The following HEG1 variants were observed in gnomAD, a reference collection of about 807,000 sequenced individuals.
HEG1 encodes protein HEG homolog 1.
A neutral mutation model predicts 125.6 loss-of-function variants in HEG1; 56 were observed. The ratio of observed to expected loss-of-function variants is 0.45; its 90% CI spans 0.36 to 0.56. The LOEUF (loss-of-function observed/expected upper bound fraction) is 0.56, where lower values mean the gene tolerates loss of function less well. HEG1 is among the 20% of genes least tolerant of loss of function. The pLI, the probability that HEG1 is intolerant of heterozygous loss-of-function variation, is 0.00. For synonymous variants in HEG1, 644 were observed against 668.5 expected (o/e 0.96, Z 0.57); for missense variants, 1,523 against 1,670.0 (o/e 0.91, Z 1.53).
intron 5 of HEG1, 131 bp from the exon 6 acceptor site, chr3:125,014,121 G>T: frequency 1.2e-6 from 1 of 866,048 alleles, no homozygotes; most frequent in Non-Finnish European, 1.7e-6. Context: ...CTTTGGAGAG[G>T]TGGTTTTCAA....
rs1936317943 is a variant in HEG1, at chr3:124,966,583, C to G, written c.*4069G>C. The G allele has an allele frequency of 2.0e-5, 3 of 152,012 alleles. No homozygotes were observed. Among genetic ancestry groups the G allele is most frequent in the Admixed American group, 2.0e-4 (3 of 15,266 alleles). 9.4% of individuals were successfully genotyped at this position (152,012 alleles called of 1,614,324 possible). A position where few individuals can be genotyped will look rare whatever the true frequency, so the allele number is the denominator to read the frequency against. Reference sequence around the variant, plus strand: ...CCCTTCTCATCCACACAAAAGCTTTCAGACAGGAAAAAAAAGATGCTACTA... The same window carrying G: ...CCCTTCTCATCCACACAAAAGCTTTGAGACAGGAAAAAAAAGATGCTACTA... On this transcript the variant is annotated 3_prime_UTR_variant, in exon 17 of 17. Transcript: ENST00000311127.
Position 125,007,943 on chromosome 3 carries a change from T to C in HEG1, c.3193+1762A>G, listed in dbSNP as rs554125357. Among the ~76,000 whole-genome samples the C allele has an allele frequency of 1.4e-4, 22 of 151,962 alleles. 1 individual carries two copies. The highest frequency in any genetic ancestry group is 5.3e-4 in the African/African-American group (22 of 41,438). ...TTTTTTTTTTGAGACAGAGTCTCACTGTGCAGCCCAGGCTGGAATGTAGTG... is the reference window on the plus strand; with the variant it reads ...TTTTTTTTTTGAGACAGAGTCTCACCGTGCAGCCCAGGCTGGAATGTAGTG... On this transcript the variant is annotated intron_variant, in intron 8 of 16. Transcript: ENST00000311127.
Position 125,012,654 on chromosome 3 carries a change from C to T in HEG1, c.2925G>A (p.Gln975=). ...CTGAAGAGGACACTGTTGTTGGTGA[C>T]TGTGTGCTGCTCTGAACAGCAAAGG... ...SATFAVQSST[Q]SPTTVSSSAS... is the part of the protein sequence containing the mutation. The change falls in exon 6 of 17, where the codon CAG becomes CAA. Residue 975 remains glutamine (Q), a synonymous_variant. Coordinates refer to ENST00000311127, the MANE Select transcript of HEG1 (RefSeq NM_020733.2). 1 of 1,613,694 alleles carries T rather than the reference C, an allele frequency of 6.2e-7. No individual in the cohort carries two copies. The highest frequency in any genetic ancestry group is 8.5e-7 in the Non-Finnish European group (1 of 1,179,814).
intron 5 of HEG1, 143 bp downstream of exon 5, chr3:125,019,119 C>T (rs1236305829): frequency 3.1e-6 from 2 of 650,042 alleles, no homozygotes; most frequent in South Asian, 2.0e-5. Context: ...CCACCCACCT[C>T]GGCCTCCCAA....
intron 14 of HEG1, among the ~76,000 whole-genome samples, chr3:124,985,264 T>C (rs748015623): frequency 6.6e-6 from 1 of 152,168 alleles, no homozygotes; most frequent in Admixed American, 6.5e-5. Flanking sequence ...TAAGGAAACA[T>C]GGTGAACATA....
intron 7 of HEG1, among the ~76,000 whole-genome samples, chr3:125,010,152 G>T (rs550209518): frequency 2.0e-5 from 3 of 152,306 alleles, no homozygotes; most frequent in African/African-American, 7.2e-5. Context: ...GGTGGCAGTG[G>T]GGGGATTCCA....
rs188224503 is a variant in HEG1, at chr3:125,036,405, T to G, written c.317-6917A>C. ...ACTAAGATAATCAGTTAAAAAAGGG[T>G]TGAGAATGGTTAATTCTGGGGAACA... is the stretch of plus-strand genomic sequence containing the variant. On this transcript the variant is annotated intron_variant, in intron 1 of 16. Transcript: ENST00000311127. 5.9e-5 allele frequency among the ~76,000 whole-genome samples: 9 copies of G among 151,722 alleles called. No individual in the cohort carries two copies. In the East Asian group the frequency reaches 1.5e-3, roughly 26 times the overall value.
chr3:125,043,575 T>A (rs773367220), intron 1 of HEG1, among the ~76,000 whole-genome samples: 26 of 152,166 alleles, frequency 1.7e-4, no homozygotes, highest in Non-Finnish European at 3.5e-4. Flanking sequence ...CCATTTTCTT[T>A]GCCCCTCTCA....
intron 11 of HEG1, among the ~76,000 whole-genome samples, chr3:124,998,094 A>G (rs1936949523): frequency 6.6e-6 from 1 of 152,176 alleles, no homozygotes; most frequent in South Asian, 2.1e-4. Context: ...CCACTGAGAA[A>G]CGAAATTGGA....
intron 1 of HEG1, among the ~76,000 whole-genome samples, chr3:125,054,114 A>G (rs936559253): frequency 8.5e-5 from 13 of 152,226 alleles, no homozygotes; most frequent in African/African-American, 3.1e-4. Flanking sequence ...ACAAAATACT[A>G]CACAGTGTTC....
intron 5 of HEG1, among the ~76,000 whole-genome samples, chr3:125,016,516 T>G (rs778332063): frequency 6.6e-6 from 1 of 152,148 alleles, no homozygotes; most frequent in African/African-American, 2.4e-5. Context: ...TTTGAGAAGG[T>G]AGAAGTCCTG....
At chr3:125,014,951 G>A (rs751903882) in intron 5 of HEG1, 1 of 1,288,014 alleles carries the variant, frequency 7.8e-7, no homozygotes, top group South Asian at 1.2e-5. Flanking sequence ...CAGAAGTCCT[G>A]TCCTCTGCAT....
chr3:125,019,412 C>A lies in HEG1; in HGVS notation c.1438G>T (p.Val480Leu). 3.1e-6 allele frequency: 5 copies of A among 1,614,068 alleles called. No individual in the cohort carries two copies. Among genetic ancestry groups the A allele is most frequent in the Non-Finnish European group, 4.2e-6 (5 of 1,179,892 alleles). ...TGSSASYPEG[V>L]NASVLTQFSD... ...AACTGGGTCAACACTGAAGCATTCACACCTTCAGGATATGAAGCAGAGCTT... is the reference window on the plus strand; with the variant it reads ...AACTGGGTCAACACTGAAGCATTCAAACCTTCAGGATATGAAGCAGAGCTT... The change falls in exon 5 of 17, where the codon GTG becomes TTG. Residue 480 changes from valine (V) to leucine (L), a missense_variant. Val to Leu is a conservative substitution (Grantham distance 32). Transcript: ENST00000311127.
chr3:125,037,374 C>T (rs1488408101), intron 1 of HEG1, among the ~76,000 whole-genome samples: 6 of 152,202 alleles, frequency 3.9e-5, no homozygotes, highest in Non-Finnish European at 8.8e-5. Context: ...GTCTGTAGAC[C>T]TTTAATAGAA....
In HEG1 at chr3:125,013,899, A is replaced by T; in HGVS notation, c.1680T>A (p.Thr560=). The T allele has an allele frequency of 6.2e-7, 1 of 1,613,806 alleles. No homozygotes were observed. The highest frequency in any genetic ancestry group is 8.5e-7 in the Non-Finnish European group (1 of 1,179,852). The stretch of plus-strand genomic sequence containing the variant: ...GTAACGCCCGTTCTCCTTTGGTGAA[A>T]GTAGATGACAGGTAGGTGTGGTCTG... ...DHTDHTYLSS[T]FTKGERALLS... Residue 560 remains threonine, a synonymous_variant, in exon 6 of 17, where the codon ACT becomes ACA. Transcript: ENST00000311127.
intron 7 of HEG1, 107 bp from the exon 8 acceptor site, chr3:125,009,931 A>G: frequency 2.6e-6 from 3 of 1,154,946 alleles, no homozygotes; most frequent in Non-Finnish European, 3.5e-6. Flanking sequence ...AGGTGTGGTG[A>G]GACCCCAAAG....
chr3:125,002,367 G>T (rs1321635687), intron 9 of HEG1, 52 bp from the exon 10 acceptor site: 4 of 1,484,258 alleles, frequency 2.7e-6, no homozygotes, highest in Non-Finnish European at 3.7e-6. Context: ...AAAAGCCTTG[G>T]ACCTAGAACC....
At chr3:125,019,987 A>G (rs1937311627) in intron 4 of HEG1, among the ~76,000 whole-genome samples, 1 of 152,270 alleles carries the variant, frequency 6.6e-6, no homozygotes, top group Admixed American at 6.5e-5. Flanking sequence ...TCTCATATGA[A>G]TAAAGGTTAT....
intron 14 of HEG1, among the ~76,000 whole-genome samples, chr3:124,981,488 T>C (rs1172626199): frequency 1.3e-5 from 2 of 152,184 alleles, no homozygotes; most frequent in African/African-American, 4.8e-5. Context: ...CAAACTCCCG[T>C]CTGCGTCTCA....
Sources: gnomAD v4.1 joint callset for allele counts (sites outside exome capture counted in the v4.1 genomes callset) on GRCh38, gnomAD v4.1.1 for gene constraint, MANE v1.5 for transcripts, NCBI Gene and HGNC (gene_info 2026-07-23, HGNC 2026-07-21) for gene names.